FAM227B: variants seen among roughly 807,000 people sequenced by gnomAD.
The protein encoded by FAM227B is family with sequence similarity 227 member B.
FAM227B carries 88 observed loss-of-function variants against 73.8 expected under a neutral mutation model. The ratio of observed to expected loss-of-function variants is 1.19; its 90% confidence interval spans 1.00 to 1.42. FAM227B has a LOEUF of 1.42. Ranked by LOEUF, FAM227B falls within the 40% of genes most tolerant of loss-of-function variation. The probability of loss-of-function intolerance (pLI) is 0.00; values close to 1 mark genes in which losing one functional copy is unlikely to be tolerated. For synonymous variants in FAM227B, 210 were observed against 190.5 expected, an observed-to-expected ratio of 1.10 and a Z score of -0.84; for missense variants, 632 against 590.9, an observed-to-expected ratio of 1.07 and a Z score of -0.72.
At chr15:49,601,869 A>G (rs925129947) in intron 3 of FAM227B, among the ~76,000 whole-genome samples, 1 of 152,094 alleles carries the variant, frequency 6.6e-6, no homozygotes, top group Non-Finnish European at 1.5e-5. Context: ...GATTTTCAGA[A>G]CCCAAAAATA....
chr15:49,407,705 A>G (rs1451098260), intron 11 of FAM227B, among the ~76,000 whole-genome samples: 1 of 149,192 alleles, frequency 6.7e-6, no homozygotes, highest in Non-Finnish European at 1.5e-5. Context: ...GTATTTATAT[A>G]TGAGGTATCA....
intron 11 of FAM227B, among the ~76,000 whole-genome samples, chr15:49,445,675 A>G (rs1021595153): frequency 6.6e-6 from 1 of 151,620 alleles, no homozygotes; most frequent in Non-Finnish European, 1.5e-5. Context: ...TGAAAGAAAA[A>G]AATAAAATAT....
At chr15:49,384,070 T>G (rs2046717316) in intron 11 of FAM227B, among the ~76,000 whole-genome samples, 1 of 152,120 alleles carries the variant, frequency 6.6e-6, no homozygotes, top group Non-Finnish European at 1.5e-5. Flanking sequence ...CATTCCTCTT[T>G]GCCATGTTTT....
At chr15:49,364,729 T>C (rs1342074813) in intron 13 of FAM227B, among the ~76,000 whole-genome samples, 2 of 152,318 alleles carry the variant, frequency 1.3e-5, no homozygotes, top group East Asian at 3.9e-4. Flanking sequence ...ATAAAGCAGA[T>C]AAAATTTGCA....
intron 9 of FAM227B, among the ~76,000 whole-genome samples, chr15:49,563,593 A>G (rs2152340516): frequency 6.6e-6 from 1 of 152,324 alleles, no homozygotes; most frequent in Non-Finnish European, 1.5e-5. Context: ...TTCTGACTAC[A>G]CTATAAGGTT....
At chr15:49,525,665 A>AATAT (rs57123974) in intron 10 of FAM227B, among the ~76,000 whole-genome samples, 84 of 81,386 alleles carry the variant, frequency 1.0e-3, no homozygotes, top group African/African-American at 2.5e-3. Flanking sequence ...AGGGTGGAGA[A>AATAT]ATATATATAT....
At chr15:49,603,323 G>T (rs1412136285) in intron 3 of FAM227B, among the ~76,000 whole-genome samples, 1 of 151,844 alleles carries the variant, frequency 6.6e-6, no homozygotes, top group African/African-American at 2.4e-5. Context: ...TTTCCTTCAT[G>T]ATAGTTTTCA....
rs1481227045 is a variant in FAM227B at position 49,328,403 on chromosome 15, A to AACTT, written c.*161_*164dup. On this transcript the variant is annotated 3_prime_UTR_variant, in exon 16 of 16. Transcript: ENST00000299338. ...ATGCTTGGACAGATCTTTTAAGAATAACTTACTGAGATTTATTGATTTGAA... is the reference window on the plus strand; with the variant it reads ...ATGCTTGGACAGATCTTTTAAGAATAACTTACTTACTGAGATTTATTGATTTGAA... 6.6e-5 allele frequency: 94 copies of AACTT among 1,431,116 alleles called. 1 individual carries two copies. The highest frequency in any genetic ancestry group is 6.5e-4 in the South Asian group (41 of 63,000). 88.7% of individuals were successfully genotyped at this position (1,431,116 alleles called of 1,614,324 possible). A position where few individuals can be genotyped will look rare whatever the true frequency, so the allele number is the denominator to read the frequency against.
intron 9 of FAM227B, among the ~76,000 whole-genome samples, chr15:49,549,673 A>C (rs547037162): frequency 1.6e-4 from 24 of 151,976 alleles, no homozygotes; most frequent in African/African-American, 5.8e-4. Context: ...CAGGATAAGA[A>C]TTTTTCTTAG....
At chr15:49,527,774 A>T (rs1443340755) in intron 10 of FAM227B, among the ~76,000 whole-genome samples, 1 of 151,912 alleles carries the variant, frequency 6.6e-6, no homozygotes, top group Non-Finnish European at 1.5e-5. Flanking sequence ...CAAAAATTAA[A>T]TACCTAGGAA....
chr15:49,549,741 C>T (rs2072523964), intron 9 of FAM227B, among the ~76,000 whole-genome samples: 1 of 152,100 alleles, frequency 6.6e-6, no homozygotes, highest in African/African-American at 2.4e-5. Flanking sequence ...ACACAGCAAC[C>T]ATCCGATTTC....
intron 8 of FAM227B, among the ~76,000 whole-genome samples, chr15:49,569,010 G>C (rs2074883734): frequency 6.6e-6 from 1 of 151,858 alleles, no homozygotes; most frequent in Non-Finnish European, 1.5e-5. Context: ...ATCTGGTACA[G>C]GGCTTTTCTT....
intron 13 of FAM227B, among the ~76,000 whole-genome samples, chr15:49,357,949 A>G (rs2043463083): frequency 1.3e-5 from 2 of 152,122 alleles, no homozygotes; most frequent in African/African-American, 4.8e-5. Context: ...AAATCAATAA[A>G]TGTAATCCAG....
At chr15:49,339,060 CA>C (rs2040263672) in intron 13 of FAM227B, among the ~76,000 whole-genome samples, 1 of 152,170 alleles carries the variant, frequency 6.6e-6, no homozygotes. Flanking sequence ...AGCTTGCTTG[CA>C]TTGGGTCAGA....
intron 3 of FAM227B, among the ~76,000 whole-genome samples, chr15:49,607,048 A>G (rs2077566145): frequency 6.6e-6 from 1 of 152,200 alleles, no homozygotes; most frequent in African/African-American, 2.4e-5. Context: ...CTGGGGCCTT[A>G]GCTTAAGGGG....
Position 49,421,434 on chromosome 15 carries a change from T to C in FAM227B, c.1013-50035A>G, listed in dbSNP as rs146561282. The stretch of plus-strand genomic sequence containing the variant: ...TGGATCATATTTCCAAATTACAGAG[T>C]GTAATAGCATCTAATGCACTTTCAT... On this transcript the variant is annotated intron_variant, in intron 11 of 15. Coordinates refer to ENST00000299338, the MANE Select transcript of FAM227B (RefSeq NM_152647.3). Among the ~76,000 whole-genome samples the C allele has an allele frequency of 2.0e-3, 300 of 152,334 alleles. 2 individuals are homozygous for C. Among genetic ancestry groups the C allele is most frequent in the African/African-American group, 6.9e-3 (288 of 41,572 alleles).
chr15:49,616,607 G>A (rs929664683), intron 1 of FAM227B, among the ~76,000 whole-genome samples: 9 of 152,144 alleles, frequency 5.9e-5, no homozygotes, highest in African/African-American at 2.2e-4. Context: ...TGGCACCTTG[G>A]TCTTGGACTT....
chr15:49,605,403 A>G (rs1356173485), intron 3 of FAM227B, among the ~76,000 whole-genome samples: 1 of 152,156 alleles, frequency 6.6e-6, no homozygotes, highest in Non-Finnish European at 1.5e-5. Context: ...CCTAGGCTCA[A>G]GGGATGTTGA....
At chr15:49,415,732 T>C (rs542082025) in intron 11 of FAM227B, among the ~76,000 whole-genome samples, 1 of 152,334 alleles carries the variant, frequency 6.6e-6, no homozygotes, top group South Asian at 2.1e-4. Flanking sequence ...GAGATATTTA[T>C]ATATTTGAGT....
Sources: allele counts gnomAD v4.1 joint callset (sites outside exome capture counted in the v4.1 genomes callset), GRCh38; gene constraint gnomAD v4.1.1; transcripts MANE v1.5; gene names NCBI Gene and HGNC (gene_info 2026-07-23, HGNC 2026-07-21).